DLC1: variants seen among roughly 807,000 people sequenced by gnomAD.
DLC1 encodes the protein rho GTPase-activating protein 7.
A neutral mutation model predicts 140.3 loss-of-function variants in DLC1; 54 were observed. The ratio of observed to expected loss-of-function variants is 0.38; its 90% CI spans 0.31 to 0.48. The LOEUF (loss-of-function observed/expected upper bound fraction) is 0.48, where lower values mean the gene tolerates loss of function less well. Among genes scored for constraint, DLC1 ranks in the 20% least tolerant of loss-of-function variants. The pLI is 0.96. For synonymous variants in DLC1, 986 were observed against 728.1 expected, an observed-to-expected ratio of 1.35 and a Z score of -5.70; for missense variants, 2,536 against 1,907.0, an observed-to-expected ratio of 1.33 and a Z score of -6.14.
chr8:13,555,413 G>A (rs1030986338), intron 1 of DLC1, among the ~76,000 whole-genome samples: 3 of 152,124 alleles, frequency 2.0e-5, no homozygotes, highest in Admixed American at 6.5e-5. Context: ...TAATGGACAC[G>A]TTTGTGGAGG....
intron 5 of DLC1, among the ~76,000 whole-genome samples, chr8:13,174,122 C>T (rs1036588757): frequency 1.3e-5 from 2 of 152,158 alleles, no homozygotes; most frequent in African/African-American, 2.4e-5. Context: ...ATTTGGTTTT[C>T]TGTTCCTGCA....
intron 2 of DLC1, among the ~76,000 whole-genome samples, chr8:13,434,718 G>A (rs1200597623): frequency 1.3e-5 from 2 of 152,136 alleles, no homozygotes; most frequent in Non-Finnish European, 2.9e-5. Context: ...TCACTCTGCT[G>A]CCCAGGCTGG....
chr8:13,095,015 C>T, intron 11 of DLC1, 58 bp from the exon 12 acceptor site: 1 of 1,613,668 alleles, frequency 6.2e-7, no homozygotes, highest in Non-Finnish European at 8.5e-7. Flanking sequence ...GTGTTTACAC[C>T]ACACAACTAG....
rs1563570190 is a variant in DLC1, at chr8:13,091,529, A to AT, written c.3741-98dup. Reference sequence around the variant, plus strand: ...AAACCCAAAGAAGAGAGAAAAAAAAATTTTCACTGGAATCTGTTTATTGTT... The same window carrying AT: ...AAACCCAAAGAAGAGAGAAAAAAAAATTTTTCACTGGAATCTGTTTATTGTT... On this transcript the variant is annotated intron_variant, in intron 13 of 17. Transcript: ENST00000276297. 3.8e-6 allele frequency: 4 copies of AT among 1,047,046 alleles called. No individual in the cohort carries two copies. In the African/African-American group the frequency reaches 6.4e-5, roughly 17 times the overall value. 64.9% of individuals were successfully genotyped at this position (1,047,046 alleles called of 1,614,324 possible).
chr8:13,307,572 G>A (rs758040670), intron 4 of DLC1, among the ~76,000 whole-genome samples: 5 of 152,212 alleles, frequency 3.3e-5, no homozygotes, highest in East Asian at 1.9e-4. Context: ...AAATACATTC[G>A]CTCTTTTGTG....
intron 1 of DLC1, among the ~76,000 whole-genome samples, chr8:13,563,152 T>A (rs1043547134): frequency 1.3e-5 from 2 of 152,188 alleles, no homozygotes; most frequent in African/African-American, 4.8e-5. Context: ...TTCGGAAGTG[T>A]TAGGAAGTAA....
At chr8:13,529,205 GA>G (rs370938694) in intron 1 of DLC1, among the ~76,000 whole-genome samples, 5 of 151,572 alleles carry the variant, frequency 3.3e-5, no homozygotes, top group Non-Finnish European at 5.9e-5. Context: ...GATTAGAAAA[GA>G]AAAAAAACAG....
At chr8:13,556,671 C>T (rs534151673) in intron 1 of DLC1, among the ~76,000 whole-genome samples, 1 of 152,128 alleles carries the variant, frequency 6.6e-6, no homozygotes, top group African/African-American at 2.4e-5. Context: ...GGCTGGGCGC[C>T]TGACAGGACT....
intron 2 of DLC1, among the ~76,000 whole-genome samples, chr8:13,453,395 T>C (rs1272818746): frequency 2.6e-5 from 1 of 38,402 alleles, no homozygotes; most frequent in Non-Finnish European, 4.6e-5. Context: ...AGGATATATA[T>C]ATATATGTGT....
intron 5 of DLC1, among the ~76,000 whole-genome samples, chr8:13,204,877 T>C (rs1424896839): frequency 6.6e-6 from 1 of 152,182 alleles, no homozygotes; most frequent in Non-Finnish European, 1.5e-5. Context: ...CCTTTACATA[T>C]AACTAAGTGG....
At chr8:13,287,110 T>A (rs1831559959) in intron 5 of DLC1, among the ~76,000 whole-genome samples, 1 of 152,212 alleles carries the variant, frequency 6.6e-6, no homozygotes, top group Non-Finnish European at 1.5e-5. Flanking sequence ...CAAAGAAACC[T>A]GAGGCCTTCA....
intron 5 of DLC1, among the ~76,000 whole-genome samples, chr8:13,161,576 A>C (rs148212132): frequency 4.0e-5 from 6 of 150,918 alleles, no homozygotes; most frequent in African/African-American, 1.5e-4. Context: ...GCCTCAAACA[A>C]CCCTCCTGCT....
intron 5 of DLC1, among the ~76,000 whole-genome samples, chr8:13,290,005 T>C (rs1831696051): frequency 6.6e-6 from 1 of 152,188 alleles, no homozygotes; most frequent in Non-Finnish European, 1.5e-5. Context: ...TATTTTTGTG[T>C]CTTTTCTTTT....
At chr8:13,118,535 C>A (rs1345793701) in intron 5 of DLC1, among the ~76,000 whole-genome samples, 1 of 152,232 alleles carries the variant, frequency 6.6e-6, no homozygotes, top group Non-Finnish European at 1.5e-5. Context: ...TCAAATGAGA[C>A]CCTAACCCAC....
intron 4 of DLC1, chr8:13,340,205 T>C (rs1833978707): frequency 6.6e-6 from 1 of 152,244 alleles, no homozygotes; most frequent in Non-Finnish European, 1.5e-5. Flanking sequence ...TCATTTTTTA[T>C]TTTTATTTTT....
intron 2 of DLC1, among the ~76,000 whole-genome samples, chr8:13,434,560 C>G (rs112146327): frequency 3.3e-5 from 5 of 152,014 alleles, no homozygotes; most frequent in African/African-American, 1.2e-4. Context: ...TGGCTGGGGA[C>G]CTAGGTTAAG....
intron 1 of DLC1, among the ~76,000 whole-genome samples, chr8:13,547,893 C>T (rs1343375064): frequency 8.6e-3 from 1 of 116 alleles, no homozygotes; most frequent in Non-Finnish European, 0.021. Context: ...TTCTTGGAAT[C>T]TCTCTTTTTT....
At chr8:13,378,762 A>C (rs1353985945) in intron 4 of DLC1, among the ~76,000 whole-genome samples, 1 of 152,124 alleles carries the variant, frequency 6.6e-6, no homozygotes, top group Non-Finnish European at 1.5e-5. Context: ...TAAAACTTTG[A>C]TTTAATTTAG....
chr8:13,240,127 A>G (rs1829475619), intron 5 of DLC1, among the ~76,000 whole-genome samples: 1 of 152,080 alleles, frequency 6.6e-6, no homozygotes, highest in Admixed American at 6.5e-5. Flanking sequence ...ACTTCAGCGT[A>G]CTGTGGAAGT....
Sources: allele counts gnomAD v4.1 joint callset (sites outside exome capture counted in the v4.1 genomes callset), GRCh38; gene constraint gnomAD v4.1.1; transcripts MANE v1.5; gene names NCBI Gene and HGNC (gene_info 2026-07-23, HGNC 2026-07-21).